FCHO1: variants seen among roughly 807,000 people sequenced by gnomAD.
FCHO1 encodes the protein F-BAR domain only protein 1.
FCHO1 carries 45 observed loss-of-function variants against 114.4 expected under a neutral mutation model. The observed-to-expected ratio is 0.39, with a 90% confidence interval of 0.31 to 0.50. The LOEUF (loss-of-function observed/expected upper bound fraction) is 0.50. Among genes scored for constraint, FCHO1 ranks in the 20% least tolerant of loss-of-function variants. The pLI is 0.77. For synonymous variants in FCHO1, 480 were observed against 488.9 expected (o/e 0.98, Z 0.24); for missense variants, 1,042 against 1,209.6 (o/e 0.86, Z 2.06).
intron 4 of FCHO1, 114 bp from the exon 5 acceptor site, chr19:17,762,648 A>G: frequency 1.2e-6 from 1 of 805,472 alleles, no homozygotes; most frequent in South Asian, 1.3e-5. Context: ...CTCAGGCCCG[A>G]ACAAGTCCCT....
chr19:17,777,911 T>C (rs1599732167), intron 18 of FCHO1, among the ~76,000 whole-genome samples: 1 of 152,056 alleles, frequency 6.6e-6, no homozygotes, highest in Non-Finnish European at 1.5e-5. Context: ...TGGTGGCAGG[T>C]GCCTGTAATC....
chr19:17,772,800 T>G, intron 11 of FCHO1, 59 bp downstream of exon 11: 2 of 1,209,078 alleles, frequency 1.7e-6, no homozygotes, highest in South Asian at 2.4e-5. Flanking sequence ...GACAGGCATG[T>G]GCCACCATGC....
intron 13 of FCHO1, chr19:17,774,828 C>T: frequency 3.4e-6 from 2 of 587,438 alleles, no homozygotes; most frequent in Non-Finnish European, 6.0e-6. Context: ...CAAATGAGTT[C>T]CAGGATTCCT....
intron 20 of FCHO1, among the ~76,000 whole-genome samples, chr19:17,780,878 G>T (rs1279712931): frequency 6.6e-6 from 1 of 152,204 alleles, no homozygotes; most frequent in Non-Finnish European, 1.5e-5. Context: ...CTGCAGTCAG[G>T]TTCTCGGAAA....
At chr19:17,780,161 CTTT>C (rs11400972) in intron 20 of FCHO1, among the ~76,000 whole-genome samples, 1 of 103,364 alleles carries the variant, frequency 9.7e-6, no homozygotes, top group East Asian at 3.0e-4. Flanking sequence ...AGAAGAAGCT[CTTT>C]TTTTTTTTTT....
rs2093707060 is a variant in FCHO1 at position 17,784,609 on chromosome 19, CTG to C, written c.2227-115_2227-114del. On this transcript the variant is annotated intron_variant, in intron 25 of 28. Transcript: ENST00000596536. The surrounding 1 kb of genome is among the most constrained non-coding windows in gnomAD (Gnocchi z 5.3). ...TCTCATCCATCAAATCTCCCTGTGACTGGACCCCCTTGGGGCGGTGCGTGCAT... is the reference window on the plus strand; with the variant it reads ...TCTCATCCATCAAATCTCCCTGTGACGACCCCCTTGGGGCGGTGCGTGCAT... The C allele has an allele frequency of 2.0e-6, 2 of 976,918 alleles. No individual in the cohort carries two copies. Among genetic ancestry groups the C allele is most frequent in the South Asian group, 2.7e-5 (2 of 75,162 alleles). 60.5% of individuals were successfully genotyped at this position (976,918 alleles called of 1,614,324 possible).
In FCHO1 at chr19:17,781,313, C is replaced by G; in HGVS notation, c.1710C>G (p.Ser570=). The G allele has an allele frequency of 6.2e-7, 1 of 1,614,056 alleles. No homozygotes were observed. Among genetic ancestry groups the G allele is most frequent in the Non-Finnish European group, 8.5e-7 (1 of 1,179,950 alleles). ...PPRRLRSRKV[S]CPLTRSNGDL... is the part of the protein sequence containing the mutation. ...GGAGACTTCGCTCTAGGAAGGTGTC[C>G]TGCCCTCTCACACGTAGCAATGGGG... Residue 570 remains serine (S), a synonymous_variant, in exon 21 of 29, where the codon TCC becomes TCG. Coordinates refer to ENST00000596536, the MANE Select transcript of FCHO1 (RefSeq NM_015122.3).
At chr19:17,779,098 C>T (rs539461973) in intron 20 of FCHO1, among the ~76,000 whole-genome samples, 1 of 152,258 alleles carries the variant, frequency 6.6e-6, no homozygotes, top group East Asian at 1.9e-4. Flanking sequence ...GAAGGGACAT[C>T]TGAGCTGAGA....
chr19:17,783,234 C>CT (rs1555732081), intron 24 of FCHO1, 62 bp downstream of exon 24: 32 of 1,507,318 alleles, frequency 2.1e-5, no homozygotes, highest in Admixed American at 1.0e-4. Flanking sequence ...CTTCCGGACT[C>CT]TGAGTTCCCT....
In FCHO1 at chr19:17,764,391, A is replaced by T. The variant is rs1366374724; in HGVS notation, c.136A>T (p.Thr46Ser). ...CCTCCCCAGGGCCACCATCGAGGAG[A>T]CCTACTCGAAGGCGATGGCGAAACT... is the stretch of plus-strand genomic sequence containing the variant. ...FIRERATIEE[T>S]YSKAMAKLSK... is the part of the protein sequence containing the mutation. Residue 46 changes from threonine to serine, a missense_variant, in exon 6 of 29, where the codon ACC (threonine) becomes TCC (serine). Around this residue, in one of 3 missense-constraint regions of FCHO1, gnomAD observed 450 missense variants for 564.1 expected, o/e 0.80. Transcript: ENST00000596536. 6 of 1,613,396 alleles carry T rather than the reference A, an allele frequency of 3.7e-6. No homozygotes were observed. Among genetic ancestry groups the T allele is most frequent in the Non-Finnish European group, 5.1e-6 (6 of 1,179,860 alleles).
chr19:17,778,126 A>T lies in FCHO1; in HGVS notation c.1260-11A>T. 1.2e-6 allele frequency: 2 copies of T among 1,609,804 alleles called. No individual in the cohort carries two copies. The highest frequency in any genetic ancestry group is 1.7e-6 in the Non-Finnish European group (2 of 1,176,442). ...AAATAGAAGCAGCCCTCTTGGCCTC[A>T]CCCTCTCTAGCTGTGCAGAGAGATT... On this transcript the variant is annotated splice_polypyrimidine_tract_variant and intron_variant, in intron 18 of 28. Transcript: ENST00000596536.
Position 17,755,006 on chromosome 19 carries a change from G to A in FCHO1, c.-47-112G>A, listed in dbSNP as rs764101648. ...GTCCTGGCATGCTCTTAGCATTGGA[G>A]CTTTCAGTTCCTCCTTCATCCTTTC... On this transcript the variant is annotated intron_variant, in intron 3 of 28. Coordinates refer to ENST00000596536, the MANE Select transcript of FCHO1 (RefSeq NM_015122.3). The A allele has an allele frequency of 5.2e-5, 40 of 761,914 alleles. 2 individuals carry two copies. The South Asian group carries it at 5.4e-4, about 10-fold the overall frequency. The allele number at this position is 761,914 out of a possible 1,614,324, so 47.2% of individuals were successfully genotyped here. A position where few individuals can be genotyped will look rare whatever the true frequency, so the allele number is the denominator to read the frequency against.
chr19:17,772,759 T>C lies in FCHO1; in HGVS notation c.790+18T>C, dbSNP rs377291311. On this transcript the variant is annotated intron_variant, in intron 11 of 28. Coordinates refer to ENST00000596536, the MANE Select transcript of FCHO1 (RefSeq NM_015122.3). ...GAAGCCTGGTGAGTCAGGGCAGCCATTGGGGGTCGGGCTTCGGGGCCACAG... is the reference window on the plus strand; with the variant it reads ...GAAGCCTGGTGAGTCAGGGCAGCCACTGGGGGTCGGGCTTCGGGGCCACAG... 326 of 1,604,762 alleles carry C rather than the reference T, an allele frequency of 2.0e-4. 1 individual carries two copies. Among genetic ancestry groups the C allele is most frequent in the African/African-American group, 4.0e-4 (30 of 74,768 alleles).
Position 17,776,760 on chromosome 19 carries a change from T to A in FCHO1, c.1259+74T>A. 1 of 1,381,982 alleles carries A rather than the reference T, an allele frequency of 7.2e-7. No homozygotes were observed. Among genetic ancestry groups the A allele is most frequent in the East Asian group, 2.3e-5 (1 of 43,522 alleles). 85.6% of individuals were successfully genotyped at this position (1,381,982 alleles called of 1,614,324 possible). ...TCCACCTCCCCATGTCTCCGCCTGG[T>A]GTTCTCTTGTCCCGGCTGGGAGTTG... On this transcript the variant is annotated intron_variant, in intron 18 of 28. Transcript: ENST00000596536. The surrounding 1 kb of genome is among the most constrained non-coding windows in gnomAD (Gnocchi z 4.4).
At chr19:17,766,430 A>G in intron 6 of FCHO1, 1 of 436,234 alleles carries the variant, frequency 2.3e-6, no homozygotes, top group African/African-American at 2.0e-5. Flanking sequence ...CTGCGTTTAA[A>G]TTCCAGCTCT....
chr19:17,758,835 C>A (rs6512222), intron 4 of FCHO1: 148,506 of 152,166 alleles, frequency 0.98, 72,613 homozygotes, highest in African/African-American at 1. Context: ...CTAGCCAGGC[C>A]TGGTGTCACA....
intron 8 of FCHO1, 55 bp from the exon 9 acceptor site, chr19:17,770,737 G>A (rs2091260939): frequency 1.3e-6 from 2 of 1,594,662 alleles, no homozygotes; most frequent in Admixed American, 1.7e-5. Flanking sequence ...TGGGGCCTGG[G>A]GGAGGCCCCC....
chr19:17,775,983 G>T lies in FCHO1; in HGVS notation c.1004G>T (p.Ser335Ile). 3 of 1,606,196 alleles carry T rather than the reference G, an allele frequency of 1.9e-6. No individual in the cohort carries two copies. Among genetic ancestry groups the T allele is most frequent in the East Asian group, 4.5e-5 (2 of 44,864 alleles). The part of the protein sequence containing the change: ...FTVRPDVTQN[S>I]TAEPSRFSSS... ...GGCTTGGACCTTGACTGCAGCCCAC[G>T]CACGGCCGAGCCCTCCCGTTTCTCG... Residue 335 changes from serine (S) to isoleucine (I), a missense_variant and splice_region_variant, in exon 16 of 29, where the codon AGC (serine) becomes ATC (isoleucine). Coordinates refer to ENST00000596536, the MANE Select transcript of FCHO1 (RefSeq NM_015122.3). This position sits in a 1 kb window ranked among gnomAD's most constrained non-coding sequence, Gnocchi z 5.1.
chr19:17,751,697 T>G lies in FCHO1; in HGVS notation c.-183+120T>G, dbSNP rs1443936651. The G allele has an allele frequency of 1.3e-5, 2 of 152,396 alleles. No individual in the cohort carries two copies. The highest frequency in any genetic ancestry group is 3.8e-4 in the East Asian group (2 of 5,206). The allele number at this position is 152,396 out of a possible 1,614,324, so 9.4% of individuals were successfully genotyped here. Reference sequence around the variant, plus strand: ...AGGAGAAGTAGCAGGTGTCACTTCCTGGGCTGGCCAAAGCCTGCATGGGGC... The same window carrying G: ...AGGAGAAGTAGCAGGTGTCACTTCCGGGGCTGGCCAAAGCCTGCATGGGGC... On this transcript the variant is annotated intron_variant, in intron 1 of 28. Coordinates refer to ENST00000596536, the MANE Select transcript of FCHO1 (RefSeq NM_015122.3). This position sits in a 1 kb window ranked among gnomAD's most constrained non-coding sequence, Gnocchi z 4.4.
Sources: gnomAD v4.1 joint callset for allele counts (sites outside exome capture counted in the v4.1 genomes callset) on GRCh38, gnomAD v4.1.1 for gene constraint, gnomAD v4.1.1 regional missense constraint, Gnocchi (gnomAD v3.1) non-coding constraint, MANE v1.5 for transcripts, NCBI Gene and HGNC (gene_info 2026-07-23, HGNC 2026-07-21) for gene names.